KCNJ15: variants seen among roughly 807,000 people sequenced by gnomAD.
The protein encoded by KCNJ15 is ATP-sensitive inward rectifier potassium channel 15.
KCNJ15 carries 14 observed loss-of-function variants against 23.0 expected under a neutral mutation model. The observed-to-expected ratio is 0.61, with a 90% confidence interval of 0.40 to 0.95. The LOEUF is 0.95. KCNJ15 is among the 40% of genes least tolerant of loss of function. KCNJ15 has a pLI of 0.00. For synonymous variants in KCNJ15, 185 were observed against 183.2 expected (o/e 1.01, Z -0.08); for missense variants, 388 against 461.8 (o/e 0.84, Z 1.46).
At chr21:38,259,961 G>A (rs1980706027) in intron 1 of KCNJ15, among the ~76,000 whole-genome samples, 1 of 152,132 alleles carries the variant, frequency 6.6e-6, no homozygotes, top group African/African-American at 2.4e-5. Flanking sequence ...TTCCCTAAAA[G>A]AACACAAGGA....
At chr21:38,257,316 G>A (rs1980351840) in intron 1 of KCNJ15, 131 bp downstream of exon 1, 1 of 152,158 alleles carries the variant, frequency 6.6e-6, no homozygotes, top group South Asian at 2.1e-4. Flanking sequence ...CATTTAAGAC[G>A]CCCGTGCTTA....
chr21:38,302,699 T>C lies in KCNJ15; in HGVS notation c.*2310T>C, dbSNP rs894746396. 6.6e-6 allele frequency: 1 copy of C among 152,200 alleles called. No individual in the cohort carries two copies. The highest frequency in any genetic ancestry group is 1.5e-5 in the Non-Finnish European group (1 of 68,024). 9.4% of individuals were successfully genotyped at this position (152,200 alleles called of 1,614,324 possible). On this transcript the variant is annotated 3_prime_UTR_variant, in exon 3 of 3. Coordinates refer to ENST00000398938, the MANE Select transcript of KCNJ15 (RefSeq NM_170736.3). ...TATTAAATTCTTTTCACAGTATTCA[T>C]ATCAATGCTAATTTGAATGTGATGC... is the stretch of plus-strand genomic sequence containing the variant.
rs554512265 is a variant in KCNJ15 at position 38,249,263 on chromosome 21, G to A, written c.-398-7783G>A. Among the ~76,000 whole-genome samples the A allele has an allele frequency of 4.1e-3, 631 of 152,300 alleles. 2 individuals carry two copies. Among genetic ancestry groups the A allele is most frequent in the Middle Eastern group, 0.02 (6 of 294 alleles). ...TGACTTTTGCCCAAGAGATTGCAAT[G>A]ATTGTTTAAATTGATAACCCAAGTA... On this transcript the variant is annotated intron_variant, in intron 1 of 4. Transcript: ENST00000547341.
At chr21:38,237,049 G>A (rs1435346779) in intron 1 of KCNJ15, among the ~76,000 whole-genome samples, 1 of 152,086 alleles carries the variant, frequency 6.6e-6, no homozygotes, top group Non-Finnish European at 1.5e-5. Context: ...TGTTACAAGA[G>A]GGCTGTTTGG....
chr21:38,235,655 C>T (rs1327276549), intron 1 of KCNJ15, among the ~76,000 whole-genome samples: 1 of 151,948 alleles, frequency 6.6e-6, no homozygotes, highest in Non-Finnish European at 1.5e-5. Flanking sequence ...ATAGGGAGTG[C>T]CACAGCAAGA....
intron 1 of KCNJ15, among the ~76,000 whole-genome samples, chr21:38,284,447 T>A (rs182573935): frequency 1.6e-4 from 24 of 152,292 alleles, no homozygotes; most frequent in South Asian, 4.1e-4. Context: ...CTGGGACCTG[T>A]CACTCAGAGC....
chr21:38,299,634 C>T lies in KCNJ15; in HGVS notation c.373C>T (p.Gln125Ter). The T allele has an allele frequency of 6.2e-7, 1 of 1,614,156 alleles. No homozygotes were observed. ...TGAFLFSLES[Q>*]TTIGYGVRSI... The stretch of plus-strand genomic sequence containing the variant: ...GGCGTTTCTCTTTTCCCTGGAATCC[C>T]AGACAACCATTGGCTATGGAGTCCG... The change falls in exon 3 of 3, where the codon CAG becomes TAG. Residue 125 changes from glutamine to a stop codon, truncating the protein, a stop_gained. Coordinates refer to ENST00000398938, the MANE Select transcript of KCNJ15 (RefSeq NM_170736.3). LOFTEE classifies it high-confidence loss of function. This position sits in a 1 kb window ranked among gnomAD's most constrained non-coding sequence, Gnocchi z 4.5.
At chr21:38,231,654 GT>G (rs35570403) in intron 1 of KCNJ15, among the ~76,000 whole-genome samples, 10,069 of 150,684 alleles carry the variant, frequency 0.067, 730 homozygotes, top group African/African-American at 0.18. Flanking sequence ...TTATTGAATA[GT>G]TTTTTTTTTA....
rs1306694872 is a variant in KCNJ15 at position 38,300,151 on chromosome 21, G to A, written c.890G>A (p.Arg297Gln). 15 of 1,614,144 alleles carry A rather than the reference G, an allele frequency of 9.3e-6. No homozygotes were observed. The highest frequency in any genetic ancestry group is 1.7e-5 in the Admixed American group (1 of 60,020). The change falls in exon 3 of 3, where the codon CGA (arginine) becomes CAA (glutamine). Residue 297 changes from arginine (R) to glutamine (Q), a missense_variant. Coordinates refer to ENST00000398938, the MANE Select transcript of KCNJ15 (RefSeq NM_170736.3). ...VESTSAVCQS[R>Q]TSYIPEEIYW... Reference sequence around the variant, plus strand: ...TCCACCAGCGCTGTCTGCCAGAGCCGAACATCTTATATCCCAGAGGAAATC... The same window carrying A: ...TCCACCAGCGCTGTCTGCCAGAGCCAAACATCTTATATCCCAGAGGAAATC...
In KCNJ15 at chr21:38,296,982, C is replaced by G. The variant is rs921628224; in HGVS notation, c.-60C>G. The G allele has an allele frequency of 2.0e-5, 3 of 152,668 alleles. No individual in the cohort carries two copies. The highest frequency in any genetic ancestry group is 7.2e-5 in the African/African-American group (3 of 41,416). The allele number at this position is 152,668 out of a possible 1,614,324, so 9.5% of individuals were successfully genotyped here. A position where few individuals can be genotyped will look rare whatever the true frequency, so the allele number is the denominator to read the frequency against. ...GTGAAGGGGAGCGAGGACGTTCTAC[C>G]TGCCTTGAAGAAGACACCTGACCTG... On this transcript the variant is annotated 5_prime_UTR_variant, in exon 2 of 3. Coordinates refer to ENST00000398938, the MANE Select transcript of KCNJ15 (RefSeq NM_170736.3).
At position 38,302,646 on chromosome 21, in the gene KCNJ15, G is replaced by C. The variant is rs894705058; in HGVS notation, c.*2257G>C. On this transcript the variant is annotated 3_prime_UTR_variant, in exon 3 of 3. Transcript: ENST00000398938. ...TATAATCAACAAAAAATAATGCCAC[G>C]GGCATGTTTACACCTTTTCTGTTGC... The C allele has an allele frequency of 6.6e-6, 1 of 152,022 alleles. No individual in the cohort carries two copies. The highest frequency in any genetic ancestry group is 1.5e-5 in the Non-Finnish European group (1 of 67,994). The allele number at this position is 152,022 out of a possible 1,614,324, so 9.4% of individuals were successfully genotyped here. A position where few individuals can be genotyped will look rare whatever the true frequency, so the allele number is the denominator to read the frequency against.
chr21:38,247,678 A>G (rs879524363), intron 1 of KCNJ15, among the ~76,000 whole-genome samples: 2 of 152,220 alleles, frequency 1.3e-5, no homozygotes, highest in Non-Finnish European at 2.9e-5. Flanking sequence ...GTTACTCTGT[A>G]TGCCCATATG....
At chr21:38,245,528 G>A (rs112840897) in intron 1 of KCNJ15, among the ~76,000 whole-genome samples, 3 of 151,062 alleles carry the variant, frequency 2.0e-5, no homozygotes, top group Non-Finnish European at 4.4e-5. Flanking sequence ...ACCAGGATAC[G>A]AGATCCTTAT....
At chr21:38,288,879 C>A (rs956668284) in intron 1 of KCNJ15, among the ~76,000 whole-genome samples, 1 of 152,202 alleles carries the variant, frequency 6.6e-6, no homozygotes, top group African/African-American at 2.4e-5. Context: ...AATGCTCCAA[C>A]CATGTCCACT....
At position 38,301,867 on chromosome 21, in the gene KCNJ15, A is replaced by T. The variant is rs771237849; in HGVS notation, c.*1478A>T. On this transcript the variant is annotated 3_prime_UTR_variant, in exon 3 of 3. Coordinates refer to ENST00000398938, the MANE Select transcript of KCNJ15 (RefSeq NM_170736.3). ...CATTCAAACAAAGACAGATTTGCGC[A>T]TTCACTCAAGCAGAATGTGGCCATG... 24 of 166,952 alleles carry T rather than the reference A, an allele frequency of 1.4e-4. No homozygotes were observed. The highest frequency in any genetic ancestry group is 1.3e-4 in the Non-Finnish European group (9 of 68,108). The allele number at this position is 166,952 out of a possible 1,614,324, so 10.3% of individuals were successfully genotyped here. A position where few individuals can be genotyped will look rare whatever the true frequency, so the allele number is the denominator to read the frequency against.
chr21:38,260,683 C>T (rs1980793202), intron 1 of KCNJ15, among the ~76,000 whole-genome samples: 1 of 152,166 alleles, frequency 6.6e-6, no homozygotes. Context: ...CATTTTGGTA[C>T]AAAACACGCA....
intron 1 of KCNJ15, among the ~76,000 whole-genome samples, chr21:38,288,543 A>C (rs1283070436): frequency 6.6e-6 from 1 of 152,212 alleles, no homozygotes; most frequent in Middle Eastern, 3.2e-3. Flanking sequence ...AGTAGTCAGC[A>C]TGAGGCCAGA....
At chr21:38,262,834 C>T (rs531122521) in intron 1 of KCNJ15, among the ~76,000 whole-genome samples, 1 of 152,170 alleles carries the variant, frequency 6.6e-6, no homozygotes, top group African/African-American at 2.4e-5. Flanking sequence ...CCTGCCACCA[C>T]ACCTGCCTAA....
Position 38,299,910 on chromosome 21 carries a change from C to A in KCNJ15, c.649C>A (p.Leu217Met). The change falls in exon 3 of 3, where the codon CTG becomes ATG. Residue 217 changes from leucine to methionine, a missense_variant. By Grantham distance (15) the Leu-to-Met change is conservative. Transcript: ENST00000398938. The surrounding 1 kb of genome is among the most constrained non-coding windows in gnomAD (Gnocchi z 4.5). The part of the protein sequence containing the change: ...LIQCQLSGKL[L>M]QTHVTKEGER... Reference sequence around the variant, plus strand: ...TCAGTGCCAGCTCTCTGGCAAGCTCCTGCAGACCCACGTCACCAAGGAGGG... The same window carrying A: ...TCAGTGCCAGCTCTCTGGCAAGCTCATGCAGACCCACGTCACCAAGGAGGG... 6.2e-7 allele frequency: 1 copy of A among 1,614,092 alleles called. No homozygotes were observed. Among genetic ancestry groups the A allele is most frequent in the East Asian group, 2.2e-5 (1 of 44,876 alleles).
Sources: gnomAD v4.1 joint callset for allele counts (sites outside exome capture counted in the v4.1 genomes callset) on GRCh38, gnomAD v4.1.1 for gene constraint, Gnocchi (gnomAD v3.1) non-coding constraint, MANE v1.5 for transcripts, NCBI Gene and HGNC (gene_info 2026-07-23, HGNC 2026-07-21) for gene names.